AGBL1: variants seen among roughly 807,000 people sequenced by gnomAD.
The protein encoded by AGBL1 is AGBL carboxypeptidase 1.
A neutral mutation model predicts 118.9 loss-of-function variants in AGBL1; 130 were observed. The ratio of observed to expected loss-of-function variants is 1.09; its 90% CI spans 0.95 to 1.26. AGBL1 has a LOEUF of 1.26. Ranked by LOEUF, AGBL1 falls within the 50% of genes most tolerant of loss-of-function variation. AGBL1 has a pLI of 0.00. For synonymous variants in AGBL1, 555 were observed against 478.9 expected, an observed-to-expected ratio of 1.16 and a Z score of -2.08; for missense variants, 1,584 against 1,298.1, an observed-to-expected ratio of 1.22 and a Z score of -3.38.
intron 22 of AGBL1, among the ~76,000 whole-genome samples, chr15:86,842,057 G>A (rs2079253390): frequency 7.1e-6 from 1 of 141,246 alleles, no homozygotes; most frequent in South Asian, 2.3e-4. Context: ...GAGTATGTGG[G>A]TGGTAGAAGA....
At chr15:86,835,606 T>A (rs2079160241) in intron 22 of AGBL1, among the ~76,000 whole-genome samples, 1 of 151,638 alleles carries the variant, frequency 6.6e-6, no homozygotes, top group East Asian at 1.9e-4. Context: ...GAGGAAGAAG[T>A]AGAAGGAAAA....
chr15:86,171,626 A>T (rs1327931064), intron 5 of AGBL1, among the ~76,000 whole-genome samples: 1 of 152,044 alleles, frequency 6.6e-6, no homozygotes, highest in Admixed American at 6.6e-5. Context: ...AGGAATGTAG[A>T]CTTAAACCTA....
chr15:86,451,167 C>G lies in AGBL1; in HGVS notation c.2555+53621C>G, dbSNP rs547714051. ...GTTTTATGCCTGAACTGGTTAGACA[C>G]TTTCTTTCCCACCCACTAAATTTCA... On this transcript the variant is annotated intron_variant, in intron 18 of 22. Coordinates refer to ENST00000614907, the MANE Select transcript of AGBL1 (RefSeq NM_001386094.1). Among the ~76,000 whole-genome samples the G allele has an allele frequency of 8.6e-5, 13 of 151,964 alleles. No individual in the cohort carries two copies. In the East Asian group the frequency reaches 2.3e-3, roughly 27 times the overall value.
chr15:86,277,701 C>T (rs1037151617), intron 15 of AGBL1, among the ~76,000 whole-genome samples: 4 of 152,194 alleles, frequency 2.6e-5, no homozygotes, highest in African/African-American at 9.6e-5. Context: ...ATAAGACCAA[C>T]CCTACTGGCC....
At chr15:86,374,222 G>A (rs528499474) in intron 17 of AGBL1, among the ~76,000 whole-genome samples, 2 of 152,270 alleles carry the variant, frequency 1.3e-5, no homozygotes, top group African/African-American at 4.8e-5. Flanking sequence ...ATACTTAATG[G>A]TATCCATTGA....
In AGBL1 at chr15:86,869,931, C is replaced by T. The variant is rs1057148745; in HGVS notation, c.3159-37156C>T. On this transcript the variant is annotated intron_variant, in intron 22 of 22. Transcript: ENST00000614907. Reference sequence around the variant, plus strand: ...TACTTGACAGTACCTGGTTGCTTACCTGGACTTATGTCCAGCAGAGCTGCA... The same window carrying T: ...TACTTGACAGTACCTGGTTGCTTACTTGGACTTATGTCCAGCAGAGCTGCA... Among the ~76,000 whole-genome samples, 7 of 152,268 alleles carry T rather than the reference C, an allele frequency of 4.6e-5. No individual in the cohort carries two copies. The South Asian group carries it at 1.2e-3, about 27-fold the overall frequency.
intron 22 of AGBL1, among the ~76,000 whole-genome samples, chr15:86,696,576 G>A (rs1320990265): frequency 6.6e-6 from 1 of 151,668 alleles, no homozygotes; most frequent in Non-Finnish European, 1.5e-5. Context: ...GAAACATTTA[G>A]GCCATTTACA....
intron 21 of AGBL1, among the ~76,000 whole-genome samples, chr15:86,658,410 G>C (rs1210403012): frequency 1.3e-5 from 2 of 152,194 alleles, no homozygotes; most frequent in African/African-American, 2.4e-5. Context: ...AGTCTGAATA[G>C]AAATGAACTC....
intron 23 of AGBL1, among the ~76,000 whole-genome samples, chr15:86,931,683 G>C (rs1387320628): frequency 6.6e-6 from 1 of 151,944 alleles, no homozygotes; most frequent in African/African-American, 2.4e-5. Context: ...AAATTTTAAG[G>C]TATGTGTGTG....
At chr15:86,898,275 T>G (rs1300229483) in intron 22 of AGBL1, among the ~76,000 whole-genome samples, 1 of 152,190 alleles carries the variant, frequency 6.6e-6, no homozygotes, top group Non-Finnish European at 1.5e-5. Context: ...AAATCTTTTC[T>G]GATTCCTGTG....
rs147227266 is a variant in AGBL1, at chr15:86,200,430, AATT to A, written c.489-24481_489-24479del. On this transcript the variant is annotated intron_variant, in intron 5 of 22. Coordinates refer to ENST00000614907, the MANE Select transcript of AGBL1 (RefSeq NM_001386094.1). Reference sequence around the variant, plus strand: ...TTTTTCTGTACAACAGTGACTTACAAATTATCACAGATTTCAGATACTGGAAGC... The same window carrying A: ...TTTTTCTGTACAACAGTGACTTACAAATCACAGATTTCAGATACTGGAAGC... Among the ~76,000 whole-genome samples the A allele has an allele frequency of 2.9e-3, 434 of 152,250 alleles. 4 individuals are homozygous for A. Among genetic ancestry groups the A allele is most frequent in the African/African-American group, 0.01 (417 of 41,542 alleles).
At chr15:86,545,512 A>G (rs1377464325) in intron 19 of AGBL1, among the ~76,000 whole-genome samples, 1 of 152,084 alleles carries the variant, frequency 6.6e-6, no homozygotes, top group Admixed American at 6.6e-5. Context: ...TATTAAGCCT[A>G]GTACCCATTA....
At chr15:86,662,602 G>A (rs191393962) in intron 21 of AGBL1, among the ~76,000 whole-genome samples, 6 of 152,312 alleles carry the variant, frequency 3.9e-5, no homozygotes, top group Middle Eastern at 3.4e-3. Context: ...TGCAATGATA[G>A]AGGGAGCTTG....
At chr15:86,431,536 G>C (rs2081936011) in intron 18 of AGBL1, among the ~76,000 whole-genome samples, 1 of 152,162 alleles carries the variant, frequency 6.6e-6, no homozygotes, top group Admixed American at 6.5e-5. Flanking sequence ...GTCTCCATAG[G>C]ACAAAGTGAA....
intron 21 of AGBL1, among the ~76,000 whole-genome samples, chr15:86,639,487 T>C (rs1226569014): frequency 6.6e-6 from 1 of 152,188 alleles, no homozygotes; most frequent in East Asian, 1.9e-4. Flanking sequence ...AATTATTTAC[T>C]ACTGTTTCTT....
intron 17 of AGBL1, among the ~76,000 whole-genome samples, chr15:86,353,487 A>G (rs1257567241): frequency 6.6e-6 from 1 of 152,224 alleles, no homozygotes; most frequent in Non-Finnish European, 1.5e-5. Context: ...AATGAAACCC[A>G]TCATGATTCC....
intron 24 of AGBL1, among the ~76,000 whole-genome samples, chr15:86,999,177 CATG>C (rs1422626029): frequency 6.7e-6 from 1 of 148,696 alleles, no homozygotes; most frequent in African/African-American, 2.6e-5. Flanking sequence ...CTACAAAAGA[CATG>C]AACTCATCAT....
At position 86,142,007 on chromosome 15, in the gene AGBL1, T is replaced by C; in HGVS notation, c.55T>C (p.Ser19Pro). The C allele has an allele frequency of 6.5e-7, 1 of 1,549,978 alleles. No homozygotes were observed. Among genetic ancestry groups the C allele is most frequent in the Non-Finnish European group, 8.7e-7 (1 of 1,146,672 alleles). ...GCTGCCTGTGTTCTCATTGCAGAGC[T>C]CCTCTGACAAGGAGTCCATCCTGAC... ...LQVLLHTLQS[S>P]SDKESILTIL... Residue 19 changes from serine to proline, a missense_variant, in exon 2 of 23, where the codon TCC (serine) becomes CCC (proline). Transcript: ENST00000614907.
chr15:87,015,347 T>C (rs1283723047), intron 24 of AGBL1, among the ~76,000 whole-genome samples: 3 of 152,142 alleles, frequency 2.0e-5, no homozygotes, highest in Admixed American at 6.6e-5. Context: ...CCCTTATCTT[T>C]CTGCCTGTCT....
Sources: allele counts gnomAD v4.1 joint callset (sites outside exome capture counted in the v4.1 genomes callset), GRCh38; gene constraint gnomAD v4.1.1; transcripts MANE v1.5; gene names NCBI Gene and HGNC (gene_info 2026-07-23, HGNC 2026-07-21).